DIP2C: variants seen among roughly 807,000 people sequenced by gnomAD.
The protein encoded by DIP2C is disco-interacting protein 2 homolog C.
In DIP2C, 33 loss-of-function variants were observed where a neutral mutation model predicts 192.4. The observed-to-expected ratio is 0.17, with a 90% CI of 0.13 to 0.23. The LOEUF (loss-of-function observed/expected upper bound fraction) is 0.23, where lower values mean the gene tolerates loss of function less well. Among genes scored for constraint, DIP2C ranks in the 10% least tolerant of loss-of-function variants. The probability of loss-of-function intolerance (pLI) is 1.00; values close to 1 mark genes in which losing one functional copy is unlikely to be tolerated. For synonymous variants in DIP2C, 979 were observed against 864.1 expected (o/e 1.13, Z -2.33); for missense variants, 1,537 against 2,110.1 (o/e 0.73, Z 5.32).
chr10:479,793 C>T (rs570185152), intron 2 of DIP2C, among the ~76,000 whole-genome samples: 5 of 152,334 alleles, frequency 3.3e-5, no homozygotes, highest in South Asian at 2.1e-4. Context: ...GAGAGTCTGA[C>T]GTCTGCATCT....
intron 1 of DIP2C, among the ~76,000 whole-genome samples, chr10:511,212 C>T (rs1845991639): frequency 6.6e-6 from 1 of 152,208 alleles, no homozygotes; most frequent in Admixed American, 6.5e-5. Context: ...GAGAGAGCAG[C>T]AGGTGCCAGC....
At chr10:573,679 G>C (rs1241429367) in intron 1 of DIP2C, among the ~76,000 whole-genome samples, 1 of 151,876 alleles carries the variant, frequency 6.6e-6, no homozygotes, top group African/African-American at 2.4e-5. Context: ...CAAAGTGCTG[G>C]GATTACAGGC....
intron 1 of DIP2C, among the ~76,000 whole-genome samples, chr10:497,870 T>C (rs891236188): frequency 6.6e-6 from 1 of 152,196 alleles, no homozygotes; most frequent in Admixed American, 6.5e-5. Context: ...ACATATGTCA[T>C]GAGATGAAAA....
intron 1 of DIP2C, among the ~76,000 whole-genome samples, chr10:581,809 A>T (rs1287958529): frequency 6.6e-6 from 1 of 152,080 alleles, no homozygotes; most frequent in African/African-American, 2.4e-5. Context: ...ACCTTTCAAA[A>T]TCTAATCCTC....
chr10:453,499 A>T (rs1456408736), intron 3 of DIP2C, among the ~76,000 whole-genome samples: 1 of 152,276 alleles, frequency 6.6e-6, no homozygotes, highest in African/African-American at 2.4e-5. Flanking sequence ...CTCAGCAGTC[A>T]GGACAGAGGG....
intron 1 of DIP2C, among the ~76,000 whole-genome samples, chr10:554,090 G>T (rs570455656): frequency 5.9e-5 from 9 of 152,096 alleles, no homozygotes; most frequent in Non-Finnish European, 1.2e-4. Flanking sequence ...AAAAGGTATA[G>T]CTTGTAACTA....
chr10:376,326 G>A (rs1190529603), intron 17 of DIP2C, among the ~76,000 whole-genome samples: 2 of 152,072 alleles, frequency 1.3e-5, no homozygotes, highest in African/African-American at 4.8e-5. Context: ...GAAGGACCCA[G>A]GCCCACCTCG....
chr10:426,184 A>G (rs180829758), intron 4 of DIP2C, among the ~76,000 whole-genome samples: 1 of 152,224 alleles, frequency 6.6e-6, no homozygotes, highest in Admixed American at 6.5e-5. Flanking sequence ...AGGACACAAG[A>G]TATACATATA....
intron 32 of DIP2C, among the ~76,000 whole-genome samples, chr10:302,995 G>C (rs949173247): frequency 6.6e-6 from 1 of 151,936 alleles, no homozygotes; most frequent in Admixed American, 6.6e-5. Flanking sequence ...GTCAGACATC[G>C]CATGTGTCTG....
chr10:474,693 C>T (rs1970922080), intron 2 of DIP2C, among the ~76,000 whole-genome samples: 1 of 152,240 alleles, frequency 6.6e-6, no homozygotes, highest in Middle Eastern at 3.2e-3. Flanking sequence ...GGGCCCCACA[C>T]ATCCGAAAGT....
chr10:546,290 AAAAAG>A (rs1446625416), intron 1 of DIP2C, among the ~76,000 whole-genome samples: 1 of 151,862 alleles, frequency 6.6e-6, no homozygotes, highest in Non-Finnish European at 1.5e-5. Context: ...AAAAAAAAAA[AAAAAG>A]TAACAAATTT....
chr10:486,145 C>G (rs1843996982), intron 2 of DIP2C, among the ~76,000 whole-genome samples: 1 of 128,960 alleles, frequency 7.8e-6, no homozygotes, highest in Non-Finnish European at 1.9e-5. Context: ...AAATAGCTCT[C>G]TAAACCAAAT....
intron 9 of DIP2C, among the ~76,000 whole-genome samples, chr10:407,177 G>A (rs1381938598): frequency 6.6e-6 from 1 of 152,222 alleles, no homozygotes; most frequent in Non-Finnish European, 1.5e-5. Context: ...TGGCCAGGCA[G>A]CGGGCAAGGT....
intron 1 of DIP2C, among the ~76,000 whole-genome samples, chr10:579,105 G>A (rs1337367937): frequency 6.6e-6 from 1 of 152,150 alleles, no homozygotes; most frequent in South Asian, 2.1e-4. Context: ...GATCCATGTA[G>A]TGTAGGTACA....
At chr10:588,473 G>T (rs1851214395) in intron 1 of DIP2C, among the ~76,000 whole-genome samples, 1 of 152,274 alleles carries the variant, frequency 6.6e-6, no homozygotes, top group Non-Finnish European at 1.5e-5. Context: ...CACTCATGCT[G>T]GAATGAGAGG....
chr10:485,075 C>G, intron 2 of DIP2C: 1 of 1,222,762 alleles, frequency 8.2e-7, no homozygotes, highest in Non-Finnish European at 1.1e-6. Context: ...CCACAGGGCA[C>G]GACCGCCCTC....
intron 1 of DIP2C, among the ~76,000 whole-genome samples, chr10:657,677 A>C (rs1856456620): frequency 8.4e-6 from 1 of 118,982 alleles, no homozygotes; most frequent in South Asian, 3.6e-4. Flanking sequence ...CTGCCGCTGG[A>C]CCTGATGCTG....
chr10:479,601 T>C lies in DIP2C; in HGVS notation c.157+6858A>G, dbSNP rs141577401. Among the ~76,000 whole-genome samples the C allele has an allele frequency of 2.2e-3, 341 of 152,288 alleles. 5 individuals carry two copies. The highest frequency in any genetic ancestry group is 0.011 in the South Asian group (55 of 4,816). On this transcript the variant is annotated intron_variant, in intron 2 of 36. Transcript: ENST00000280886. Reference sequence around the variant, plus strand: ...TGTCCGCCTCAGCCTCCCAAAGTGCTGGAATTATAGGCATGAGCCAATGCG... The same window carrying C: ...TGTCCGCCTCAGCCTCCCAAAGTGCCGGAATTATAGGCATGAGCCAATGCG...
At chr10:489,012 TG>T (rs1025869655) in intron 1 of DIP2C, among the ~76,000 whole-genome samples, 1 of 152,090 alleles carries the variant, frequency 6.6e-6, no homozygotes, top group Non-Finnish European at 1.5e-5. Context: ...GTTCAGTTAC[TG>T]GGGGGCGGGC....
Sources: allele counts gnomAD v4.1 joint callset (sites outside exome capture counted in the v4.1 genomes callset), GRCh38; gene constraint gnomAD v4.1.1; transcripts MANE v1.5; gene names NCBI Gene and HGNC (gene_info 2026-07-23, HGNC 2026-07-21).